The following PALS1 variants were observed in gnomAD, a reference collection of about 807,000 sequenced individuals.
The protein encoded by PALS1 is protein associated with LIN7 1, MAGUK p55 family member, also known as protein PALS1.
PALS1 carries 31 observed loss-of-function variants against 78.9 expected under a neutral mutation model. The ratio of observed to expected loss-of-function variants is 0.39; its 90% CI spans 0.30 to 0.53. PALS1 has a LOEUF of 0.53. Among genes scored for constraint, PALS1 ranks in the 20% least tolerant of loss-of-function variants. The pLI, the probability that PALS1 is intolerant of heterozygous loss-of-function variation, is 0.67. For synonymous variants in PALS1, 276 were observed against 270.9 expected (o/e 1.02, Z -0.18); for missense variants, 704 against 826.5 (o/e 0.85, Z 1.82).
chr14:67,310,499 G>A (rs2085072637), intron 8 of PALS1, among the ~76,000 whole-genome samples: 1 of 152,148 alleles, frequency 6.6e-6, no homozygotes, highest in Non-Finnish European at 1.5e-5. Flanking sequence ...GGCCTCTGAG[G>A]TGTTGGTGAT....
chr14:67,320,946 A>G, intron 12 of PALS1, 111 bp from the exon 13 acceptor site: 1 of 853,828 alleles, frequency 1.2e-6, no homozygotes, highest in East Asian at 2.6e-5. Flanking sequence ...TTCTCAGTTT[A>G]TTATTTTATA....
chr14:67,317,324 T>A, intron 10 of PALS1, 84 bp from the exon 11 acceptor site: 1 of 1,201,092 alleles, frequency 8.3e-7, no homozygotes, highest in Non-Finnish European at 1.2e-6. Context: ...AATAAATGAA[T>A]GAATAAATAG....
intron 14 of PALS1, among the ~76,000 whole-genome samples, chr14:67,325,609 G>A (rs1398319930): frequency 6.6e-6 from 1 of 152,112 alleles, no homozygotes; most frequent in Admixed American, 6.5e-5. Context: ...TAACTACTTT[G>A]GTAGAACAGA....
intron 1 of PALS1, among the ~76,000 whole-genome samples, chr14:67,249,698 C>G (rs2084038534): frequency 6.6e-6 from 1 of 152,174 alleles, no homozygotes; most frequent in Non-Finnish European, 1.5e-5. Flanking sequence ...AGAAACTTCA[C>G]ACAAAAAGTT....
At chr14:67,278,946 A>T in intron 2 of PALS1, 72 bp from the exon 3 acceptor site, 1 of 405,434 alleles carries the variant, frequency 2.5e-6, no homozygotes, top group South Asian at 4.7e-5. Flanking sequence ...TGGTGATTAG[A>T]AGTGGGCTCT....
At chr14:67,312,464 T>G in intron 8 of PALS1, 63 bp from the exon 9 acceptor site, 10 of 1,167,812 alleles carry the variant, frequency 8.6e-6, no homozygotes, top group Non-Finnish European at 1.2e-5. Flanking sequence ...GCATTTAAAT[T>G]GTATTCATAT....
At chr14:67,332,055 A>G (rs1402370196) in intron 14 of PALS1, among the ~76,000 whole-genome samples, 1 of 152,224 alleles carries the variant, frequency 6.6e-6, no homozygotes, top group East Asian at 1.9e-4. Context: ...CTATGGGTCC[A>G]ATATAGTATT....
intron 3 of PALS1, among the ~76,000 whole-genome samples, chr14:67,290,860 C>T (rs1024064464): frequency 1.7e-4 from 26 of 151,986 alleles, no homozygotes; most frequent in African/African-American, 5.1e-4. Context: ...ATAAGTGGTA[C>T]TAGAATCATT....
intron 4 of PALS1, chr14:67,294,295 T>A (rs1261855982): frequency 7.7e-6 from 1 of 130,176 alleles, no homozygotes; most frequent in Non-Finnish European, 1.5e-5. Context: ...TTCAGTACAT[T>A]ATACTTGTGA....
rs2084566430 is a variant in PALS1, at chr14:67,279,357, C to G, written c.187C>G (p.Gln63Glu). 3.1e-6 allele frequency: 5 copies of G among 1,613,528 alleles called. No individual in the cohort carries two copies. Among genetic ancestry groups the G allele is most frequent in the African/African-American group, 1.3e-5 (1 of 74,764 alleles). The change falls in exon 3 of 15, where the codon CAG (glutamine) becomes GAG (glutamate). Residue 63 changes from glutamine (Q) to glutamate (E), a missense_variant. Coordinates refer to ENST00000261681, the MANE Select transcript of PALS1 (RefSeq NM_022474.4). ...SAQLERIRQQ[Q>E]EDMRRRREEE... Reference sequence around the variant, plus strand: ...ACAGTTGGAGCGTATTCGGCAACAACAGGAGGACATGAGGCGTAGGAGAGA... The same window carrying G: ...ACAGTTGGAGCGTATTCGGCAACAAGAGGAGGACATGAGGCGTAGGAGAGA...
rs553228313 is a variant in PALS1 at position 67,243,617 on chromosome 14, C to T, written c.-237+2084C>T. Among the ~76,000 whole-genome samples, 4 of 151,674 alleles carry T rather than the reference C, an allele frequency of 2.6e-5. No homozygotes were observed. In the South Asian group the frequency reaches 6.3e-4, roughly 24 times the overall value. Reference sequence around the variant, plus strand: ...ACGCCATTTTTCTGCCTCAGCCTCCCGAGTAGTTGGGACTACAGGTGCCCG... The same window carrying T: ...ACGCCATTTTTCTGCCTCAGCCTCCTGAGTAGTTGGGACTACAGGTGCCCG... On this transcript the variant is annotated intron_variant, in intron 1 of 14. Transcript: ENST00000261681.
At position 67,272,422 on chromosome 14, in the gene PALS1, C is replaced by A. The variant is rs557237481; in HGVS notation, c.-154+2639C>A. On this transcript the variant is annotated intron_variant, in intron 2 of 14. Coordinates refer to ENST00000261681, the MANE Select transcript of PALS1 (RefSeq NM_022474.4). ...TACGAAATGGGCATATTTGGATCTA[C>A]TTCTGGAGTTGTAATGAGGAATAAA... is the stretch of plus-strand genomic sequence containing the variant. 2.6e-5 allele frequency among the ~76,000 whole-genome samples: 4 copies of A among 152,278 alleles called. No individual in the cohort carries two copies. The South Asian group carries it at 8.3e-4, about 32-fold the overall frequency.
chr14:67,248,384 T>A (rs2084017751), intron 1 of PALS1, among the ~76,000 whole-genome samples: 1 of 152,084 alleles, frequency 6.6e-6, no homozygotes. Flanking sequence ...AATATAAGAT[T>A]TTGTGAACTA....
intron 2 of PALS1, among the ~76,000 whole-genome samples, chr14:67,274,534 A>G (rs8015371): frequency 0.12 from 17,496 of 152,038 alleles, 1,659 homozygotes; most frequent in African/African-American, 0.26. Context: ...ACCTTGTAGT[A>G]TAGTTTGAAG....
At chr14:67,267,608 T>C (rs1281616116) in intron 1 of PALS1, among the ~76,000 whole-genome samples, 2 of 152,322 alleles carry the variant, frequency 1.3e-5, no homozygotes, top group South Asian at 2.1e-4. Flanking sequence ...TTTATTGAGG[T>C]ATAATTTATA....
intron 11 of PALS1, among the ~76,000 whole-genome samples, chr14:67,319,628 A>T (rs1189823796): frequency 6.6e-6 from 1 of 151,540 alleles, no homozygotes; most frequent in Non-Finnish European, 1.5e-5. Flanking sequence ...AAAAAAAAAA[A>T]ATTGCAAAAC....
chr14:67,304,968 T>C (rs1275318622), intron 8 of PALS1, among the ~76,000 whole-genome samples: 1 of 152,214 alleles, frequency 6.6e-6, no homozygotes, highest in African/African-American at 2.4e-5. Context: ...TCATTCCATG[T>C]TTTCCCTTAA....
chr14:67,246,032 G>A (rs375379056), intron 1 of PALS1, among the ~76,000 whole-genome samples: 2 of 151,880 alleles, frequency 1.3e-5, no homozygotes, highest in African/African-American at 2.4e-5. Flanking sequence ...TATTCCTCTT[G>A]TCTCTTTGTC....
At position 67,279,398 on chromosome 14, in the gene PALS1, G is replaced by A. The variant is rs771876877; in HGVS notation, c.228G>A (p.Lys76=). 1.2e-6 allele frequency: 2 copies of A among 1,613,878 alleles called. No homozygotes were observed. Among genetic ancestry groups the A allele is most frequent in the South Asian group, 1.1e-5 (1 of 91,044 alleles). Reference sequence around the variant, plus strand: ...GTAGGAGAGAGGAAGAAGGGAAAAAGCAAGAACTTGACCTTAATTCTTCCA... The same window carrying A: ...GTAGGAGAGAGGAAGAAGGGAAAAAACAAGAACTTGACCTTAATTCTTCCA... The part of the protein sequence containing the change: ...MRRRREEEGK[K]QELDLNSSMR... Residue 76 remains lysine, a synonymous_variant, in exon 3 of 15, where the codon AAG becomes AAA. Coordinates refer to ENST00000261681, the MANE Select transcript of PALS1 (RefSeq NM_022474.4).
Sources: allele counts gnomAD v4.1 joint callset (sites outside exome capture counted in the v4.1 genomes callset), GRCh38; gene constraint gnomAD v4.1.1; transcripts MANE v1.5; gene names NCBI Gene and HGNC (gene_info 2026-07-23, HGNC 2026-07-21).